MYO1D: variants seen among roughly 807,000 people sequenced by gnomAD.
MYO1D encodes unconventional myosin-Id.
A neutral mutation model predicts 122.0 loss-of-function variants in MYO1D; 83 were observed. That is an observed-to-expected ratio of 0.68 (90% CI 0.57 to 0.82). The LOEUF is 0.82. Among genes scored for constraint, MYO1D ranks in the 40% least tolerant of loss-of-function variants. The pLI is 0.00. For missense variants in MYO1D, 1,157 were observed against 1,269.5 expected, an observed-to-expected ratio of 0.91 and a Z score of 1.35; for synonymous variants, 464 against 446.9, an observed-to-expected ratio of 1.04 and a Z score of -0.48.
At chr17:32,822,361 C>A (rs1172301488) in intron 1 of MYO1D, among the ~76,000 whole-genome samples, 4 of 116,146 alleles carry the variant, frequency 3.4e-5, no homozygotes, top group Admixed American at 1.1e-4. Flanking sequence ...ACATCACACA[C>A]TGGGGCCTGT....
chr17:32,524,057 T>A (rs1185192089), intron 21 of MYO1D, among the ~76,000 whole-genome samples: 1 of 152,252 alleles, frequency 6.6e-6, no homozygotes, highest in African/African-American at 2.4e-5. Flanking sequence ...GTGCTGCTGC[T>A]ATTATGATTG....
At chr17:32,618,399 C>G (rs1052040716) in intron 20 of MYO1D, among the ~76,000 whole-genome samples, 11 of 152,186 alleles carry the variant, frequency 7.2e-5, no homozygotes, top group African/African-American at 2.7e-4. Context: ...GTTTCCAACA[C>G]CAATTCACCT....
At chr17:32,680,818 A>C (rs1381268913) in intron 16 of MYO1D, among the ~76,000 whole-genome samples, 1 of 152,172 alleles carries the variant, frequency 6.6e-6, no homozygotes, top group Admixed American at 6.5e-5. Context: ...ATCATTTCAG[A>C]AGGAATGGTA....
intron 1 of MYO1D, among the ~76,000 whole-genome samples, chr17:32,798,512 C>T (rs2090436398): frequency 6.6e-6 from 1 of 152,170 alleles, no homozygotes; most frequent in African/African-American, 2.4e-5. Context: ...ACTGCTTCAA[C>T]GTTGGGAGTG....
Position 32,572,701 on chromosome 17 carries a change from T to C in MYO1D, c.2864+32386A>G, listed in dbSNP as rs1015228527. Among the ~76,000 whole-genome samples, 12 of 152,246 alleles carry C rather than the reference T, an allele frequency of 7.9e-5. No individual in the cohort carries two copies. The East Asian group carries it at 2.3e-3, about 29-fold the overall frequency. ...GATCTCTAACTTCCATCTCCTATAC[T>C]CTTCCCTTCATTCACTCTGCTCCAG... On this transcript the variant is annotated intron_variant, in intron 21 of 21. Coordinates refer to ENST00000318217, the MANE Select transcript of MYO1D (RefSeq NM_015194.3).
chr17:32,815,368 T>G (rs924806064), intron 1 of MYO1D, among the ~76,000 whole-genome samples: 1 of 152,362 alleles, frequency 6.6e-6, no homozygotes, highest in Admixed American at 6.5e-5. Context: ...TTTTCCTTAT[T>G]TACCAGGAAG....
intron 21 of MYO1D, among the ~76,000 whole-genome samples, chr17:32,537,412 C>T (rs979248981): frequency 1.3e-5 from 2 of 152,124 alleles, no homozygotes; most frequent in African/African-American, 2.4e-5. Context: ...GTTACAGGGA[C>T]CATATGGTCT....
intron 10 of MYO1D, chr17:32,756,240 T>C (rs1313556743): frequency 4.4e-6 from 1 of 228,298 alleles, no homozygotes; most frequent in Non-Finnish European, 8.7e-6. Flanking sequence ...CGCATGCAGA[T>C]GGAAGGGGTG....
intron 21 of MYO1D, among the ~76,000 whole-genome samples, chr17:32,540,923 CAAAAA>C (rs33945323): frequency 2.4e-5 from 2 of 83,868 alleles, no homozygotes. Context: ...GACTTCGTCT[CAAAAA>C]AAAAAAAAAA....
chr17:32,834,034 C>T (rs140676132), intron 1 of MYO1D, among the ~76,000 whole-genome samples: 2 of 152,280 alleles, frequency 1.3e-5, no homozygotes, highest in South Asian at 2.1e-4. Context: ...ATTAAAACTC[C>T]ATGAAGGCTT....
intron 19 of MYO1D, among the ~76,000 whole-genome samples, 190 bp from the exon 20 acceptor site, chr17:32,639,025 T>C (rs1216115486): frequency 1.3e-5 from 2 of 152,080 alleles, no homozygotes; most frequent in African/African-American, 4.8e-5. Flanking sequence ...CAATTGAACA[T>C]GGAAAACAAG....
intron 21 of MYO1D, among the ~76,000 whole-genome samples, chr17:32,552,081 G>C (rs1381326276): frequency 6.6e-6 from 1 of 152,058 alleles, no homozygotes; most frequent in Non-Finnish European, 1.5e-5. Context: ...ACTGTTTTTT[G>C]TTTTGTTTCG....
Position 32,654,086 on chromosome 17 carries a change from G to A in MYO1D, c.2491-139C>T. ...TTTATCTCCTCACCCCAGATGGTAA[G>A]CTACTAAATGGTTGTTGTAACATCA... On this transcript the variant is annotated intron_variant, in intron 18 of 21. Transcript: ENST00000318217. The A allele has an allele frequency of 4.7e-6, 3 of 643,826 alleles. No individual in the cohort carries two copies. In the South Asian group the frequency reaches 6.9e-5, roughly 15 times the overall value. The allele number at this position is 643,826 out of a possible 1,614,324, so 39.9% of individuals were successfully genotyped here. A position where few individuals can be genotyped will look rare whatever the true frequency, so the allele number is the denominator to read the frequency against.
At chr17:32,505,913 G>A (rs1909487369) in intron 21 of MYO1D, among the ~76,000 whole-genome samples, 1 of 152,168 alleles carries the variant, frequency 6.6e-6, no homozygotes, top group Non-Finnish European at 1.5e-5. Flanking sequence ...GAGAGCAAGG[G>A]CAAAACAAAC....
At chr17:32,712,237 T>C (rs11080184) in intron 15 of MYO1D, 42 bp from the exon 16 acceptor site, 704,669 of 1,536,510 alleles carry the variant, frequency 0.46, 164,529 homozygotes, top group East Asian at 0.71. Context: ...GAAAACCATA[T>C]GGTCATCTCA....
At chr17:32,712,247 A>G (rs1477897402) in intron 15 of MYO1D, 52 bp from the exon 16 acceptor site, 2 of 1,477,138 alleles carry the variant, frequency 1.4e-6, no homozygotes, top group South Asian at 2.3e-5. Context: ...TGGTCATCTC[A>G]ATAGAAAACT....
At chr17:32,574,998 G>A (rs995931513) in intron 21 of MYO1D, among the ~76,000 whole-genome samples, 2 of 152,164 alleles carry the variant, frequency 1.3e-5, no homozygotes, top group African/African-American at 4.8e-5. Context: ...GGATAAATAA[G>A]ACAGTTTATG....
intron 6 of MYO1D, among the ~76,000 whole-genome samples, chr17:32,768,560 T>C (rs1483389125): frequency 6.6e-6 from 1 of 152,216 alleles, no homozygotes; most frequent in East Asian, 1.9e-4. Context: ...TGATGCTCAC[T>C]TGTTGAGGAA....
intron 16 of MYO1D, among the ~76,000 whole-genome samples, chr17:32,695,933 C>G (rs1056881963): frequency 6.6e-6 from 1 of 152,124 alleles, no homozygotes; most frequent in Non-Finnish European, 1.5e-5. Flanking sequence ...TGCTGAGACC[C>G]TTTACTTTTA....
Sources: allele counts gnomAD v4.1 joint callset (sites outside exome capture counted in the v4.1 genomes callset), GRCh38; gene constraint gnomAD v4.1.1; transcripts MANE v1.5; gene names NCBI Gene and HGNC (gene_info 2026-07-23, HGNC 2026-07-21).